Variants in CRPPA observed in about 807,000 individuals in gnomAD.
CRPPA encodes the protein CDP-L-ribitol pyrophosphorylase A, also known as D-ribitol-5-phosphate cytidylyltransferase.
Under a neutral mutation model 52.0 loss-of-function variants are expected in CRPPA, and 43 were observed. That is an observed-to-expected ratio of 0.83 (90% CI 0.65 to 1.07). The LOEUF is 1.07. CRPPA is among the 50% of genes least tolerant of loss of function. CRPPA has a pLI of 0.00. For synonymous variants in CRPPA, 250 were observed against 203.5 expected, an observed-to-expected ratio of 1.23 and a Z score of -1.94; for missense variants, 629 against 551.7, an observed-to-expected ratio of 1.14 and a Z score of -1.40.
intron 3 of CRPPA, among the ~76,000 whole-genome samples, chr7:16,369,012 A>G (rs1786679863): frequency 6.6e-6 from 1 of 152,226 alleles, no homozygotes; most frequent in African/African-American, 2.4e-5. Flanking sequence ...AGCAATATTT[A>G]AGAACCTAAT....
At chr7:16,247,545 C>T (rs1783312066) in intron 8 of CRPPA, among the ~76,000 whole-genome samples, 1 of 152,120 alleles carries the variant, frequency 6.6e-6, no homozygotes, top group Admixed American at 6.6e-5. Context: ...GATCACTGAT[C>T]ATAGACTACC....
At chr7:16,158,621 A>G (rs1489070037) in intron 9 of CRPPA, among the ~76,000 whole-genome samples, 3 of 152,216 alleles carry the variant, frequency 2.0e-5, no homozygotes, top group Non-Finnish European at 2.9e-5. Context: ...CTACAACTGC[A>G]CAGAGTAAAC....
intron 3 of CRPPA, among the ~76,000 whole-genome samples, chr7:16,341,441 T>C (rs1785827688): frequency 6.6e-6 from 1 of 152,138 alleles, no homozygotes; most frequent in Non-Finnish European, 1.5e-5. Flanking sequence ...TAAACAATGT[T>C]GACTTTTAAT....
chr7:16,204,771 G>T (rs1172764647), intron 9 of CRPPA, among the ~76,000 whole-genome samples: 2 of 152,138 alleles, frequency 1.3e-5, no homozygotes, highest in Admixed American at 1.3e-4. Context: ...AAGTCATATA[G>T]AGATAGTTCC....
chr7:16,341,134 T>C (rs1042565916), intron 3 of CRPPA, among the ~76,000 whole-genome samples: 1 of 152,100 alleles, frequency 6.6e-6, no homozygotes, highest in African/African-American at 2.4e-5. Context: ...TTTGAGGCAG[T>C]GAAATATCCT....
intron 3 of CRPPA, among the ~76,000 whole-genome samples, chr7:16,341,730 T>A (rs1437162681): frequency 6.6e-6 from 1 of 152,302 alleles, no homozygotes; most frequent in East Asian, 1.9e-4. Flanking sequence ...ACTTCCCAAA[T>A]ATATTTTACA....
At chr7:16,192,632 T>G (rs986526419) in intron 9 of CRPPA, among the ~76,000 whole-genome samples, 2 of 152,122 alleles carry the variant, frequency 1.3e-5, no homozygotes, top group Non-Finnish European at 2.9e-5. Context: ...AAATCTTTCT[T>G]AAATGGTTTC....
chr7:16,363,628 A>G (rs940267794), intron 3 of CRPPA, among the ~76,000 whole-genome samples: 7 of 152,192 alleles, frequency 4.6e-5, no homozygotes, highest in African/African-American at 1.7e-4. Flanking sequence ...TCAAAAAAAG[A>G]AAACCTGCAT....
At chr7:16,125,887 C>T (rs1434649582) in intron 9 of CRPPA, among the ~76,000 whole-genome samples, 2 of 87,710 alleles carry the variant, frequency 2.3e-5, no homozygotes, top group Admixed American at 1.6e-4. Flanking sequence ...AGAAGCTTGC[C>T]TACACACACA....
At chr7:16,381,373 T>C (rs1398952803) in intron 2 of CRPPA, among the ~76,000 whole-genome samples, 1 of 151,948 alleles carries the variant, frequency 6.6e-6, no homozygotes, top group African/African-American at 2.4e-5. Context: ...TTATAATTTC[T>C]GTTCTTTTAC....
intron 8 of CRPPA, among the ~76,000 whole-genome samples, chr7:16,234,839 C>T (rs2128404146): frequency 6.6e-6 from 1 of 152,080 alleles, no homozygotes; most frequent in East Asian, 1.9e-4. Flanking sequence ...AAATGTCACT[C>T]AAATTTTTAA....
chr7:16,324,137 T>C (rs1410941837), intron 3 of CRPPA, among the ~76,000 whole-genome samples: 1 of 152,184 alleles, frequency 6.6e-6, no homozygotes, highest in Non-Finnish European at 1.5e-5. Flanking sequence ...GGATACATGC[T>C]GAAGAATGTG....
At chr7:16,153,645 A>G (rs79754991) in intron 9 of CRPPA, among the ~76,000 whole-genome samples, 1,785 of 152,252 alleles carry the variant, frequency 0.012, 34 homozygotes, top group African/African-American at 0.041. Context: ...ATTTTTTTCA[A>G]TATATCACAT....
At chr7:16,191,794 A>G (rs1010071799) in intron 9 of CRPPA, among the ~76,000 whole-genome samples, 84 of 152,124 alleles carry the variant, frequency 5.5e-4, no homozygotes, top group African/African-American at 2.0e-3. Flanking sequence ...GGGATCCTCA[A>G]TGCCTCCTCC....
intron 9 of CRPPA, among the ~76,000 whole-genome samples, chr7:16,194,637 T>C (rs1050297585): frequency 6.6e-6 from 1 of 152,308 alleles, no homozygotes; most frequent in East Asian, 1.9e-4. Flanking sequence ...TATTTTGCTG[T>C]ATTGCTTTAA....
At chr7:16,133,148 C>T (rs1347915491) in intron 9 of CRPPA, among the ~76,000 whole-genome samples, 1 of 121,764 alleles carries the variant, frequency 8.2e-6, no homozygotes. Context: ...AATCCCATCT[C>T]TACTAAAAAT....
intron 9 of CRPPA, among the ~76,000 whole-genome samples, chr7:16,176,166 T>C (rs1781292806): frequency 6.6e-6 from 1 of 152,176 alleles, no homozygotes; most frequent in Non-Finnish European, 1.5e-5. Flanking sequence ...AGCTACATTG[T>C]ATTAAGAGAA....
intron 8 of CRPPA, among the ~76,000 whole-genome samples, chr7:16,251,702 A>C (rs762920162): frequency 2.6e-5 from 4 of 152,198 alleles, no homozygotes; most frequent in Non-Finnish European, 5.9e-5. Context: ...ACAACATACC[A>C]GAATCTCTGG....
chr7:16,089,768 T>A lies in CRPPA; in HGVS notation c.*1927A>T. The A allele has an allele frequency of 5.5e-6, 1 of 182,280 alleles. No homozygotes were observed. Among genetic ancestry groups the A allele is most frequent in the Non-Finnish European group, 1.2e-5 (1 of 83,734 alleles). 11.3% of individuals were successfully genotyped at this position (182,280 alleles called of 1,614,324 possible). ...CCAGTTGCCTAGGGTAATGTCATAG[T>A]AAGTACTCTGAGATAAATTCTTGTC... On this transcript the variant is annotated 3_prime_UTR_variant, in exon 10 of 10. Transcript: ENST00000407010.
Sources: gnomAD v4.1 joint callset for allele counts (sites outside exome capture counted in the v4.1 genomes callset) on GRCh38, gnomAD v4.1.1 for gene constraint, MANE v1.5 for transcripts, NCBI Gene and HGNC (gene_info 2026-07-23, HGNC 2026-07-21) for gene names.